The following PALB2 variants were observed in gnomAD, a reference collection of about 807,000 sequenced individuals.
PALB2 encodes the protein partner and localizer of BRCA2.
In PALB2, 82 loss-of-function variants were observed where a neutral mutation model predicts 107.4. The observed-to-expected ratio is 0.76, with a 90% confidence interval of 0.64 to 0.92. PALB2 has a LOEUF of 0.92. Ranked by LOEUF, PALB2 falls within the 40% of genes least tolerant of loss-of-function variation. PALB2 has a pLI of 0.00. For synonymous variants in PALB2, 489 were observed against 496.8 expected, an observed-to-expected ratio of 0.98 and a Z score of 0.21; for missense variants, 1,374 against 1,379.9, an observed-to-expected ratio of 1.00 and a Z score of 0.07.
chr16:23,637,799 T>C (rs758226072), intron 3 of PALB2, 51 bp downstream of exon 3: 5 of 1,411,136 alleles, frequency 3.5e-6, no homozygotes, highest in African/African-American at 1.4e-5. Flanking sequence ...AGCCAAAATA[T>C]ACCTGGGAAA....
intron 3 of PALB2, among the ~76,000 whole-genome samples, chr16:23,637,016 G>A (rs1335190453): frequency 6.6e-6 from 1 of 151,628 alleles, no homozygotes; most frequent in Non-Finnish European, 1.5e-5. Context: ...TTGGGAGGCT[G>A]AGGCAGGCAG....
chr16:23,635,883 T>A lies in PALB2; in HGVS notation c.663A>T (p.Val221=), dbSNP rs876659721. ...CTGGTTGGGCAGTTGGTGGAATTAA[T>A]ACACTGTCTTCATTAATTTCTGTAA... is the stretch of plus-strand genomic sequence containing the variant. ...EPVTEINEDS[V]LIPPTAQPEK... is the part of the protein sequence containing the mutation. Residue 221 remains valine (V), a synonymous_variant, in exon 4 of 13, where the codon GTA becomes GTT. Transcript: ENST00000261584. 6.2e-7 allele frequency: 1 copy of A among 1,614,192 alleles called. No individual in the cohort carries two copies. Among genetic ancestry groups the A allele is most frequent in the Non-Finnish European group, 8.5e-7 (1 of 1,180,022 alleles).
In PALB2 at chr16:23,637,790, G is replaced by A. The variant is rs188786067; in HGVS notation, c.211+60C>T. 8 of 1,336,524 alleles carry A rather than the reference G, an allele frequency of 6.0e-6. 1 individual carries two copies. Among genetic ancestry groups the A allele is most frequent in the Non-Finnish European group, 8.6e-6 (8 of 927,282 alleles). The allele number at this position is 1,336,524 out of a possible 1,614,324, so 82.8% of individuals were successfully genotyped here. ...TCACACTGTGGGAAAAAGAACAATA[G>A]CCAAAATATACCTGGGAAATGAATA... On this transcript the variant is annotated intron_variant, in intron 3 of 12. Transcript: ENST00000261584.
At chr16:23,636,896 ATT>A (rs1967076190) in intron 3 of PALB2, among the ~76,000 whole-genome samples, 2 of 152,166 alleles carry the variant, frequency 1.3e-5, no homozygotes, top group East Asian at 3.9e-4. Context: ...AGAATTGATC[ATT>A]GTTTTTAGAA....
intron 10 of PALB2, among the ~76,000 whole-genome samples, chr16:23,614,744 G>A (rs1457448110): frequency 3.7e-5 from 5 of 136,584 alleles, no homozygotes; most frequent in African/African-American, 1.1e-4. Context: ...TCCGCCTCCC[G>A]GGTTCACGCC....
At position 23,603,435 on chromosome 16, in the gene PALB2, A is replaced by T. The variant is rs747711474; in HGVS notation, c.*24T>A. On this transcript the variant is annotated 3_prime_UTR_variant, in exon 13 of 13. Coordinates refer to ENST00000261584, the MANE Select transcript of PALB2 (RefSeq NM_024675.4). Reference sequence around the variant, plus strand: ...CTAAGAGGCCCAATATATCCAGAAAATTGTGTTTTCACTTTACCCTAACTT... The same window carrying T: ...CTAAGAGGCCCAATATATCCAGAAATTTGTGTTTTCACTTTACCCTAACTT... The T allele has an allele frequency of 3.8e-6, 6 of 1,582,184 alleles. No homozygotes were observed. Among genetic ancestry groups the T allele is most frequent in the Middle Eastern group, 1.7e-4 (1 of 5,942 alleles).
chr16:23,610,739 T>C (rs1966569916), intron 11 of PALB2, among the ~76,000 whole-genome samples: 1 of 152,126 alleles, frequency 6.6e-6, no homozygotes, highest in African/African-American at 2.4e-5. Flanking sequence ...ATTTAAATGC[T>C]TAATAAGTAA....
chr16:23,623,025 G>A lies in PALB2; in HGVS notation c.2940C>T (p.Ser980=), dbSNP rs766049739. The change falls in exon 9 of 13, where the codon AGC becomes AGT. Residue 980 remains serine (S), a synonymous_variant. Transcript: ENST00000261584. ...LGLTKRRLVS[S]SGTLSDQQVE... ...CTTGTTGATCAGAAAGGGTCCCACTGCTACTAACTAGCCTCCTCTTTGTCA... is the reference window on the plus strand; with the variant it reads ...CTTGTTGATCAGAAAGGGTCCCACTACTACTAACTAGCCTCCTCTTTGTCA... 1.2e-6 allele frequency: 2 copies of A among 1,614,112 alleles called. No homozygotes were observed. The highest frequency in any genetic ancestry group is 4.5e-5 in the East Asian group (2 of 44,886).
intron 10 of PALB2, among the ~76,000 whole-genome samples, chr16:23,614,726 C>G (rs1359796721): frequency 1.4e-5 from 2 of 143,876 alleles, no homozygotes; most frequent in Non-Finnish European, 3.0e-5. Flanking sequence ...TCTCGGCTCA[C>G]TGCAAGCTCC....
intron 10 of PALB2, among the ~76,000 whole-genome samples, chr16:23,615,029 A>G (rs968220288): frequency 3.3e-5 from 5 of 150,134 alleles, no homozygotes; most frequent in Non-Finnish European, 7.4e-5. Context: ...GCTCACTGCA[A>G]TCTGCACCTC....
chr16:23,622,865 C>G, intron 9 of PALB2, 104 bp downstream of exon 9: 1 of 1,306,496 alleles, frequency 7.7e-7, no homozygotes, highest in South Asian at 1.2e-5. Flanking sequence ...TATATTACAC[C>G]CCCAGCACAG....
rs730881898 is a variant in PALB2, at chr16:23,637,900, T to C, written c.161A>G (p.Glu54Gly). ...ATCCTGCTGAGACAAACAATCTTGT[T>C]CTTCTACTGTTTTCTTAATAGAATG... is the stretch of plus-strand genomic sequence containing the variant. ...IKHSIKKTVE[E>G]QDCLSQQDLS... The change falls in exon 3 of 13, where the codon GAA becomes GGA. Residue 54 changes from glutamate to glycine, a missense_variant. Glu to Gly is a moderately conservative substitution (Grantham distance 98, BLOSUM62 -2). Coordinates refer to ENST00000261584, the MANE Select transcript of PALB2 (RefSeq NM_024675.4). The C allele has an allele frequency of 5.0e-6, 8 of 1,614,014 alleles. No individual in the cohort carries two copies. The highest frequency in any genetic ancestry group is 1.3e-5 in the African/African-American group (1 of 74,922).
intron 6 of PALB2, 35 bp from the exon 7 acceptor site, chr16:23,626,432 C>G (rs1360687445): frequency 6.2e-7 from 1 of 1,612,852 alleles, no homozygotes; most frequent in East Asian, 2.2e-5. Context: ...TAAAGTGGCA[C>G]TCGAGTGCTG....
intron 10 of PALB2, among the ~76,000 whole-genome samples, chr16:23,614,720 G>A (rs1450223477): frequency 2.9e-5 from 4 of 139,226 alleles, no homozygotes; most frequent in African/African-American, 8.2e-5. Flanking sequence ...GCGGGATCTC[G>A]GCTCACTGCA....
intron 11 of PALB2, among the ~76,000 whole-genome samples, chr16:23,608,867 G>A (rs2142279042): frequency 7.0e-6 from 1 of 141,874 alleles, no homozygotes; most frequent in South Asian, 2.2e-4. Context: ...TTCGCTCGTT[G>A]CCCAGGCTGG....
intron 11 of PALB2, 31 bp downstream of exon 11, chr16:23,613,973 C>A (rs1966632847): frequency 1.3e-6 from 2 of 1,527,774 alleles, no homozygotes; most frequent in Non-Finnish European, 1.8e-6. Context: ...AACAGTAACA[C>A]ACAAAGTGGT....
At chr16:23,610,553 C>T (rs1325819294) in intron 11 of PALB2, among the ~76,000 whole-genome samples, 3 of 151,534 alleles carry the variant, frequency 2.0e-5, no homozygotes, top group Non-Finnish European at 2.9e-5. Context: ...GTGATCTGCC[C>T]GCCTCGGCCT....
At position 23,619,740 on chromosome 16, in the gene PALB2, T is replaced by A. The variant is rs997559593; in HGVS notation, c.3113+1622A>T. On this transcript the variant is annotated intron_variant, in intron 10 of 12. Transcript: ENST00000261584. Reference sequence around the variant, plus strand: ...AATACCTCCTATGTGCCAGACAATATGGTAAGTACTTTTAAAATACAATTC... The same window carrying A: ...AATACCTCCTATGTGCCAGACAATAAGGTAAGTACTTTTAAAATACAATTC... Among the ~76,000 whole-genome samples, 63 of 152,118 alleles carry A rather than the reference T, an allele frequency of 4.1e-4. 1 individual carries two copies. The highest frequency in any genetic ancestry group is 1.4e-3 in the African/African-American group (56 of 41,428).
chr16:23,619,999 C>T (rs1966745702), intron 10 of PALB2, among the ~76,000 whole-genome samples: 1 of 152,112 alleles, frequency 6.6e-6, no homozygotes, highest in African/African-American at 2.4e-5. Context: ...AGGCTGGTCT[C>T]GAACACTTGG....
Sources: allele counts gnomAD v4.1 joint callset (sites outside exome capture counted in the v4.1 genomes callset), GRCh38; gene constraint gnomAD v4.1.1; transcripts MANE v1.5; gene names NCBI Gene and HGNC (gene_info 2026-07-23, HGNC 2026-07-21).